Variants in RLIG1 observed in about 807,000 individuals in gnomAD.
The protein encoded by RLIG1 is RNA ligase 1.
the RLIG1 span, chr12:88,035,863 T>C: frequency 1.3e-6 from 2 of 1,518,292 alleles, no homozygotes; most frequent in Middle Eastern, 1.8e-4. Context: ...GGAACCTCTG[T>C]AGGTTTCCCT....
At chr12:88,038,867 G>A in the RLIG1 span, among the ~76,000 whole-genome samples, 1 of 152,184 alleles carries the variant, frequency 6.6e-6, no homozygotes. Flanking sequence ...TCATGAAAAG[G>A]ATGAAGATCA....
chr12:88,045,920 G>A, the RLIG1 span: 1 of 644,744 alleles, frequency 1.6e-6, no homozygotes, highest in East Asian at 2.8e-5. Flanking sequence ...ATCCATTTCT[G>A]TTAACTTTAC....
chr12:88,049,419 T>A, the RLIG1 span: 5 of 1,315,730 alleles, frequency 3.8e-6, no homozygotes, highest in Admixed American at 1.1e-4. Context: ...TTCCTCCTAA[T>A]GGAAACATTA....
the RLIG1 span, among the ~76,000 whole-genome samples, chr12:88,047,446 C>T: frequency 1.3e-5 from 2 of 152,082 alleles, no homozygotes; most frequent in Non-Finnish European, 2.9e-5. Flanking sequence ...AAAACTGGGC[C>T]TAGTTGTAAC....
chr12:88,042,834 A>C, the RLIG1 span: 1 of 1,502,170 alleles, frequency 6.7e-7, no homozygotes, highest in Non-Finnish European at 8.8e-7. Context: ...GATCAGCCAT[A>C]CCTTTGGGCT....
chr12:88,036,479 G>C, the RLIG1 span, among the ~76,000 whole-genome samples: 1 of 152,156 alleles, frequency 6.6e-6, no homozygotes, highest in African/African-American at 2.4e-5. Context: ...TTCATCATTG[G>C]CACTGGCTTT....
the RLIG1 span, chr12:88,035,723 C>T: frequency 6.2e-7 from 1 of 1,601,336 alleles, no homozygotes; most frequent in Non-Finnish European, 8.5e-7. Context: ...AGCCTTCCTC[C>T]AAAAGGGAGC....
the RLIG1 span, among the ~76,000 whole-genome samples, chr12:88,040,594 A>G: frequency 6.6e-6 from 1 of 152,192 alleles, no homozygotes; most frequent in Admixed American, 6.5e-5. Flanking sequence ...TAATTTGTCC[A>G]AGACCCAATA....
the RLIG1 span, chr12:88,042,877 A>C: frequency 6.4e-7 from 1 of 1,572,858 alleles, no homozygotes; most frequent in Non-Finnish European, 8.6e-7. Flanking sequence ...AACAAGCTGA[A>C]AAAAGATTTA....
the RLIG1 span, chr12:88,045,809 T>C: frequency 3.2e-6 from 5 of 1,541,518 alleles, no homozygotes; most frequent in African/African-American, 4.1e-5. Flanking sequence ...TGTTCAGTTA[T>C]TGTAACTGAC....
At chr12:88,038,070 T>G in the RLIG1 span, among the ~76,000 whole-genome samples, 4 of 152,192 alleles carry the variant, frequency 2.6e-5, no homozygotes. Context: ...CTTACTAGTT[T>G]TAACGGTGAA....
chr12:88,045,617 T>G, the RLIG1 span: 1 of 1,612,518 alleles, frequency 6.2e-7, no homozygotes, highest in African/African-American at 1.3e-5. Flanking sequence ...CAAACAGTAT[T>G]GCTGGCATTC....
At chr12:88,049,106 G>T in the RLIG1 span, 1 of 795,872 alleles carries the variant, frequency 1.3e-6, no homozygotes, top group Non-Finnish European at 2.0e-6. Context: ...CTACAGTTCG[G>T]AGAACTGCTT....
At chr12:88,044,138 G>A in the RLIG1 span, 1 of 186,624 alleles carries the variant, frequency 5.4e-6, no homozygotes, top group Non-Finnish European at 1.1e-5. Flanking sequence ...GTTGGGCATG[G>A]CATTGTGCGC....
At chr12:88,038,694 T>C in the RLIG1 span, among the ~76,000 whole-genome samples, 1 of 152,150 alleles carries the variant, frequency 6.6e-6, no homozygotes, top group Non-Finnish European at 1.5e-5. Flanking sequence ...CTAAGAGTAT[T>C]TGTTGAACTT....
chr12:88,043,804 C>A, the RLIG1 span: 1 of 926,182 alleles, frequency 1.1e-6, no homozygotes, highest in Non-Finnish European at 1.7e-6. Flanking sequence ...GAATTTTAAT[C>A]TGGGTCTTCA....
the RLIG1 span, chr12:88,049,270 A>G: frequency 1.2e-6 from 2 of 1,610,030 alleles, no homozygotes; most frequent in South Asian, 2.2e-5. Flanking sequence ...TCAACTCCCA[A>G]TTGTTCTGAA....
the RLIG1 span, chr12:88,049,330 T>C: frequency 6.3e-7 from 1 of 1,589,986 alleles, no homozygotes. Context: ...ACTTCTTCCT[T>C]GTAATTATAC....
the RLIG1 span, among the ~76,000 whole-genome samples, chr12:88,036,867 C>T: frequency 6.6e-6 from 1 of 151,928 alleles, no homozygotes; most frequent in African/African-American, 2.4e-5. Flanking sequence ...AAATGTAATC[C>T]ATATGAAACA....
Sources: allele counts gnomAD v4.1 joint callset (sites outside exome capture counted in the v4.1 genomes callset), GRCh38; gene constraint gnomAD v4.1.1; transcripts MANE v1.5; gene names NCBI Gene and HGNC (gene_info 2026-07-23, HGNC 2026-07-21).